CCDC7: variants seen among roughly 807,000 people sequenced by gnomAD.
CCDC7 encodes the protein coiled-coil domain-containing protein 7.
A neutral mutation model predicts 196.9 loss-of-function variants in CCDC7; 183 were observed. That is an observed-to-expected ratio of 0.93 (90% confidence interval 0.82 to 1.05). The LOEUF (loss-of-function observed/expected upper bound fraction) is 1.05, where lower values mean the gene tolerates loss of function less well. Among genes scored for constraint, CCDC7 ranks in the 50% least tolerant of loss-of-function variants. The pLI, the probability that CCDC7 is intolerant of heterozygous loss-of-function variation, is 0.00. For missense variants in CCDC7, 1,540 were observed against 1,482.2 expected (o/e 1.04, Z -0.64); for synonymous variants, 525 against 484.6 (o/e 1.08, Z -1.10).
chr10:32,486,901 C>G (rs543625415), intron 8 of CCDC7, among the ~76,000 whole-genome samples: 2 of 151,980 alleles, frequency 1.3e-5, no homozygotes, highest in East Asian at 3.9e-4. Context: ...GTAACTGGAC[C>G]TTTCTCTCTG....
intron 2 of CCDC7, 32 bp downstream of exon 3, chr10:32,453,468 T>G: frequency 7.3e-7 from 1 of 1,368,934 alleles, no homozygotes; most frequent in Non-Finnish European, 9.6e-7. Context: ...ATAGAGACAT[T>G]AACACTGAAA....
intron 18 of CCDC7, among the ~76,000 whole-genome samples, chr10:32,610,493 A>C (rs1202360524): frequency 6.6e-6 from 1 of 152,152 alleles, no homozygotes; most frequent in African/African-American, 2.4e-5. Context: ...ACACAGGTAT[A>C]CATGTGCCAT....
chr10:32,735,218 C>G (rs921585271), intron 28 of CCDC7, among the ~76,000 whole-genome samples: 6 of 152,142 alleles, frequency 3.9e-5, no homozygotes, highest in African/African-American at 1.4e-4. Flanking sequence ...CAGGTAAATA[C>G]CAAGGAGCAC....
chr10:32,809,610 A>G (rs1319237003), intron 30 of CCDC7, among the ~76,000 whole-genome samples: 3 of 152,240 alleles, frequency 2.0e-5, no homozygotes, highest in Non-Finnish European at 4.4e-5. Flanking sequence ...TTATGCAGCC[A>G]ACAGACACAA....
chr10:32,632,378 G>A (rs142701638), intron 18 of CCDC7, among the ~76,000 whole-genome samples: 165 of 151,626 alleles, frequency 1.1e-3, no homozygotes, highest in Non-Finnish European at 1.8e-3. Context: ...TATTAATATC[G>A]TTTAGTATAT....
chr10:32,709,463 G>T (rs1157070378), intron 24 of CCDC7, among the ~76,000 whole-genome samples: 1 of 151,594 alleles, frequency 6.6e-6, no homozygotes, highest in Non-Finnish European at 1.5e-5. Flanking sequence ...AGAACTTAAA[G>T]TATAATAAAA....
intron 25 of CCDC7, among the ~76,000 whole-genome samples, chr10:32,718,552 A>G (rs117215684): frequency 0.019 from 2,925 of 152,162 alleles, 39 homozygotes; most frequent in Admixed American, 0.036. Flanking sequence ...AAAATAAAAG[A>G]TATTCAAATA....
chr10:32,708,967 C>G (rs1056962549), intron 24 of CCDC7, among the ~76,000 whole-genome samples: 1 of 152,202 alleles, frequency 6.6e-6, no homozygotes, highest in Non-Finnish European at 1.5e-5. Flanking sequence ...ACTCCCATTA[C>G]TGGGTATATA....
In CCDC7 at chr10:32,839,210, T is replaced by C. The variant is rs117717506; in HGVS notation, c.3352+4312T>C. Among the ~76,000 whole-genome samples, 1,201 of 151,760 alleles carry C rather than the reference T, an allele frequency of 7.9e-3. 7 individuals carry two copies. The highest frequency in any genetic ancestry group is 0.02 in the Middle Eastern group (6 of 294). On this transcript the variant is annotated intron_variant, in intron 33 of 41. Transcript: ENST00000639629. ...TACAGAATGGCAGAATAGATAAGAA[T>C]AGATACAGAACTGCAGAATAGATAA... is the stretch of plus-strand genomic sequence containing the variant.
At chr10:32,495,333 T>G (rs935939964) in intron 9 of CCDC7, among the ~76,000 whole-genome samples, 1 of 152,226 alleles carries the variant, frequency 6.6e-6, no homozygotes, top group Non-Finnish European at 1.5e-5. Flanking sequence ...TCTCCCATTC[T>G]GTAGGTTACC....
intron 28 of CCDC7, among the ~76,000 whole-genome samples, chr10:32,760,004 T>A (rs905776437): frequency 1.2e-4 from 18 of 152,264 alleles, no homozygotes; most frequent in Admixed American, 3.9e-4. Context: ...ATGCTCATCA[T>A]CACTGGCCAT....
At chr10:32,666,945 T>C (rs143953930) in intron 21 of CCDC7, among the ~76,000 whole-genome samples, 12,857 of 152,194 alleles carry the variant, frequency 0.084, 587 homozygotes, top group East Asian at 0.16. Context: ...CTTGAAGAAT[T>C]GCCACACTGC....
chr10:32,774,269 C>T (rs78617716), intron 28 of CCDC7, among the ~76,000 whole-genome samples: 7,832 of 151,818 alleles, frequency 0.052, 664 homozygotes, highest in African/African-American at 0.18. Context: ...ACATGCCAGT[C>T]GATGCAATTA....
chr10:32,594,718 T>C (rs1380219077), intron 18 of CCDC7, among the ~76,000 whole-genome samples: 1 of 152,162 alleles, frequency 6.6e-6, no homozygotes, highest in East Asian at 1.9e-4. Context: ...TTTCGAGATA[T>C]GTCCCATCAA....
intron 28 of CCDC7, among the ~76,000 whole-genome samples, chr10:32,760,906 T>G (rs2077364033): frequency 6.6e-6 from 1 of 152,026 alleles, no homozygotes; most frequent in Non-Finnish European, 1.5e-5. Flanking sequence ...TCACCTTAAT[T>G]CTGACTTCCT....
chr10:32,602,721 T>C (rs1388310145), intron 18 of CCDC7, among the ~76,000 whole-genome samples: 1 of 152,184 alleles, frequency 6.6e-6, no homozygotes, highest in Non-Finnish European at 1.5e-5. Context: ...AAAATGAAGA[T>C]CAAGTAAGTT....
intron 28 of CCDC7, among the ~76,000 whole-genome samples, chr10:32,736,752 G>A (rs1212026626): frequency 6.6e-6 from 1 of 152,048 alleles, no homozygotes; most frequent in Non-Finnish European, 1.5e-5. Flanking sequence ...GTTGACTTTT[G>A]TATATTAACC....
intron 9 of CCDC7, among the ~76,000 whole-genome samples, chr10:32,492,347 AC>A (rs1486443917): frequency 6.6e-6 from 1 of 152,096 alleles, no homozygotes; most frequent in Non-Finnish European, 1.5e-5. Context: ...GGGCATATAT[AC>A]CCCAAAATTG....
At chr10:32,812,816 G>T (rs1292173492) in intron 30 of CCDC7, among the ~76,000 whole-genome samples, 1 of 152,006 alleles carries the variant, frequency 6.6e-6, no homozygotes, top group African/African-American at 2.4e-5. Flanking sequence ...TCATTTGCTT[G>T]CTCATTTCAA....
Sources: gnomAD v4.1 joint callset for allele counts (sites outside exome capture counted in the v4.1 genomes callset) on GRCh38, gnomAD v4.1.1 for gene constraint, MANE v1.5 for transcripts, NCBI Gene and HGNC (gene_info 2026-07-23, HGNC 2026-07-21) for gene names.